RHOT1: variants seen among roughly 807,000 people sequenced by gnomAD.
The protein encoded by RHOT1 is mitochondrial Rho GTPase 1.
In RHOT1, 27 loss-of-function variants were observed where a neutral mutation model predicts 95.3. The ratio of observed to expected loss-of-function variants is 0.28; its 90% CI spans 0.21 to 0.39. The LOEUF (loss-of-function observed/expected upper bound fraction) is 0.39, where lower values mean the gene tolerates loss of function less well. Ranked by LOEUF, RHOT1 falls within the 10% of genes least tolerant of loss-of-function variation. The pLI is 1.00. For synonymous variants in RHOT1, 227 were observed against 263.5 expected, an observed-to-expected ratio of 0.86 and a Z score of 1.34; for missense variants, 578 against 786.7, an observed-to-expected ratio of 0.73 and a Z score of 3.17.
intron 18 of RHOT1, among the ~76,000 whole-genome samples, chr17:32,210,145 T>TA (rs1194475018): frequency 2.0e-5 from 3 of 152,062 alleles, no homozygotes; most frequent in South Asian, 2.1e-4. Context: ...GAGAAGCCTA[T>TA]AAAAAAATGT....
chr17:32,183,855 T>C (rs1260807444), intron 8 of RHOT1, among the ~76,000 whole-genome samples: 1 of 152,052 alleles, frequency 6.6e-6, no homozygotes, highest in African/African-American at 2.4e-5. Context: ...CTGGCTAATT[T>C]TTGTATTTTT....
At chr17:32,214,848 T>A (rs2038357844) in intron 19 of RHOT1, among the ~76,000 whole-genome samples, 1 of 151,784 alleles carries the variant, frequency 6.6e-6, no homozygotes, top group Non-Finnish European at 1.5e-5. Flanking sequence ...CTACCATGCT[T>A]AGTGTTTGAT....
At chr17:32,176,775 T>C (rs1406132250) in intron 6 of RHOT1, among the ~76,000 whole-genome samples, 1 of 152,026 alleles carries the variant, frequency 6.6e-6, no homozygotes, top group East Asian at 1.9e-4. Context: ...TTTCGCACGT[T>C]GGTCAGTCTG....
intron 1 of RHOT1, among the ~76,000 whole-genome samples, chr17:32,154,142 A>C (rs2032658535): frequency 6.6e-6 from 1 of 151,824 alleles, no homozygotes; most frequent in South Asian, 2.1e-4. Context: ...GTCTCTAAAA[A>C]AAAAAAAAGA....
Position 32,171,528 on chromosome 17 carries a change from C to T in RHOT1, c.96+427C>T, listed in dbSNP as rs34776635. Among the ~76,000 whole-genome samples, 3 of 152,274 alleles carry T rather than the reference C, an allele frequency of 2.0e-5. No homozygotes were observed. In the East Asian group the frequency reaches 5.8e-4, roughly 29 times the overall value. ...TGACTTTGTCTAGGACCTTTGTATTCTCTGTGTCTCAGTTGTCTCATCTAT... is the reference window on the plus strand; with the variant it reads ...TGACTTTGTCTAGGACCTTTGTATTTTCTGTGTCTCAGTTGTCTCATCTAT... On this transcript the variant is annotated intron_variant, in intron 2 of 19. Coordinates refer to ENST00000545287, the MANE Select transcript of RHOT1 (RefSeq NM_001033566.3).
At chr17:32,201,824 G>T (rs1211908715) in intron 14 of RHOT1, among the ~76,000 whole-genome samples, 7 of 151,598 alleles carry the variant, frequency 4.6e-5, no homozygotes, top group Admixed American at 4.6e-4. Context: ...TATCATTTTC[G>T]GTTTTTTTTC....
intron 1 of RHOT1, among the ~76,000 whole-genome samples, chr17:32,170,361 G>A (rs1226669340): frequency 6.6e-6 from 1 of 151,874 alleles, no homozygotes; most frequent in African/African-American, 2.4e-5. Context: ...ATTGCAGTGA[G>A]CCAAGATTGC....
At chr17:32,143,609 T>C (rs1383852268) in intron 1 of RHOT1, among the ~76,000 whole-genome samples, 1 of 152,196 alleles carries the variant, frequency 6.6e-6, no homozygotes, top group Non-Finnish European at 1.5e-5. Context: ...ATTTCACCTT[T>C]TGAAAATATA....
chr17:32,161,742 C>T (rs541584220), intron 1 of RHOT1, among the ~76,000 whole-genome samples: 1 of 152,326 alleles, frequency 6.6e-6, no homozygotes. Context: ...AGTTTCACCA[C>T]CAGTTAAAGA....
At chr17:32,151,081 G>T in intron 1 of RHOT1, 1 of 1,117,904 alleles carries the variant, frequency 8.9e-7, no homozygotes, top group Non-Finnish European at 1.4e-6. Flanking sequence ...CTTCTCCTGA[G>T]TGAAAACAGC....
At chr17:32,221,170 C>A in intron 19 of RHOT1, 1 of 299,166 alleles carries the variant, frequency 3.3e-6, no homozygotes, top group Non-Finnish European at 4.9e-6. Flanking sequence ...GAGATCGAGA[C>A]CATCGTGGCC....
At position 32,200,995 on chromosome 17, in the gene RHOT1, T is replaced by C. The variant is rs753851761; in HGVS notation, c.1140T>C (p.Tyr380=). 3.1e-6 allele frequency: 5 copies of C among 1,612,872 alleles called. No individual in the cohort carries two copies. Among genetic ancestry groups the C allele is most frequent in the Admixed American group, 3.3e-5 (2 of 59,884 alleles). ...TYLDVQRCLE[Y]LGYLGYSILT... ...TAGATGTACAGCGGTGCCTGGAATA[T>C]TTGGGCTATCTAGGCTATTCAATAT... Residue 380 remains tyrosine, a synonymous_variant, in exon 14 of 20, where the codon TAT becomes TAC. Transcript: ENST00000545287.
intron 19 of RHOT1, among the ~76,000 whole-genome samples, chr17:32,220,221 G>A (rs977728250): frequency 3.3e-5 from 5 of 152,036 alleles, no homozygotes; most frequent in African/African-American, 1.2e-4. Flanking sequence ...AATTATCCAG[G>A]CATGATGGCA....
At chr17:32,198,373 G>A (rs1192403178) in intron 11 of RHOT1, among the ~76,000 whole-genome samples, 1 of 152,146 alleles carries the variant, frequency 6.6e-6, no homozygotes, top group African/African-American at 2.4e-5. Flanking sequence ...AGGTAAATCA[G>A]TATTATTTGT....
intron 1 of RHOT1, among the ~76,000 whole-genome samples, chr17:32,153,527 G>T (rs2032577694): frequency 6.6e-6 from 1 of 152,172 alleles, no homozygotes; most frequent in South Asian, 2.1e-4. Context: ...GGGTAAGGTG[G>T]CATGCACCTG....
At chr17:32,224,078 C>A (rs926376183) in intron 19 of RHOT1, among the ~76,000 whole-genome samples, 3 of 152,298 alleles carry the variant, frequency 2.0e-5, no homozygotes, top group East Asian at 3.9e-4. Flanking sequence ...TTCCCCTCCC[C>A]CTTCGGGTTT....
At chr17:32,173,299 GGAA>G (rs1363434021) in intron 2 of RHOT1, among the ~76,000 whole-genome samples, 1 of 152,082 alleles carries the variant, frequency 6.6e-6, no homozygotes, top group East Asian at 1.9e-4. Context: ...TTCAGATTTT[GGAA>G]TGTTTGCATT....
chr17:32,201,056 GGTAA>G lies in RHOT1; in HGVS notation c.1201+4_1201+7del. On this transcript the variant is annotated splice_donor_variant and splice_donor_region_variant and intron_variant, in intron 14 of 19. Coordinates refer to ENST00000545287, the MANE Select transcript of RHOT1 (RefSeq NM_001033566.3). LOFTEE classifies it high-confidence loss of function. ...AGAGTCTCAAGCTTCAGCTGTTACA[GGTAA>G]GTATCTAGATACTGTTCAGCTCATG... The G allele has an allele frequency of 6.4e-7, 1 of 1,567,804 alleles. No homozygotes were observed. The highest frequency in any genetic ancestry group is 8.7e-7 in the Non-Finnish European group (1 of 1,146,502).
rs377375375 is a variant in RHOT1 at position 32,217,745 on chromosome 17, C to A, written c.1862+6507C>A. ...ACTCCAGACTGGTGACAGACCAAGA[C>A]TCCATCTCAAAAAAAAAAAAAGAAA... On this transcript the variant is annotated intron_variant, in intron 19 of 19. Transcript: ENST00000545287. 1.0e-4 allele frequency among the ~76,000 whole-genome samples: 15 copies of A among 148,368 alleles called. No homozygotes were observed. The South Asian group carries it at 3.2e-3, about 31-fold the overall frequency.
Sources: gnomAD v4.1 joint callset for allele counts (sites outside exome capture counted in the v4.1 genomes callset) on GRCh38, gnomAD v4.1.1 for gene constraint, MANE v1.5 for transcripts, NCBI Gene and HGNC (gene_info 2026-07-23, HGNC 2026-07-21) for gene names.